Variants in COL4A6 observed in about 807,000 individuals in gnomAD.
The protein encoded by COL4A6 is collagen alpha-6(IV) chain.
Under a neutral mutation model 126.7 loss-of-function variants are expected in COL4A6, and 59 were observed. The ratio of observed to expected loss-of-function variants is 0.47; its 90% CI spans 0.38 to 0.58. The LOEUF (loss-of-function observed/expected upper bound fraction) is 0.58, where lower values mean the gene tolerates loss of function less well. Among genes scored for constraint, COL4A6 ranks in the 20% least tolerant of loss-of-function variants. The pLI, the probability that COL4A6 is intolerant of heterozygous loss-of-function variation, is 0.00. For synonymous variants in COL4A6, 547 were observed against 496.6 expected, an observed-to-expected ratio of 1.10 and a Z score of -1.35; for missense variants, 1,285 against 1,337.3, an observed-to-expected ratio of 0.96 and a Z score of 0.61.
At chrX:108,322,160 TACAC>T (rs2039046514) in intron 2 of COL4A6, among the ~76,000 whole-genome samples, 1 of 110,965 alleles carries the variant, frequency 9.0e-6, no homozygotes, top group Admixed American at 9.6e-5. Context: ...AATGTGAACA[TACAC>T]ACACACGGGC....
intron 30 of COL4A6, 49 bp downstream of exon 30, chrX:108,175,041 T>C (rs1251520567): frequency 8.9e-7 from 1 of 1,127,504 alleles, no homozygotes. Context: ...CAAGTTTGGT[T>C]ATGAAGCCTC....
intron 2 of COL4A6, among the ~76,000 whole-genome samples, chrX:108,408,944 A>G (rs1259815229): frequency 3.6e-5 from 4 of 112,333 alleles, no homozygotes; most frequent in Non-Finnish European, 7.5e-5. Context: ...CTGGACAACA[A>G]GAGCGACACT....
intron 3 of COL4A6, among the ~76,000 whole-genome samples, chrX:108,298,046 C>A (rs183318838): frequency 8.9e-6 from 1 of 112,085 alleles, no homozygotes; most frequent in African/African-American, 3.2e-5. Flanking sequence ...GAGTTTAAGT[C>A]TCTTCTTTAC....
At chrX:108,434,079 T>C (rs1175126223) in intron 2 of COL4A6, among the ~76,000 whole-genome samples, 1 of 112,028 alleles carries the variant, frequency 8.9e-6, no homozygotes, top group Non-Finnish European at 1.9e-5. Flanking sequence ...ATTATGAGCT[T>C]ACAGAATATA....
chrX:108,187,387 G>T, intron 22 of COL4A6, 108 bp from the exon 23 acceptor site: 1 of 647,624 alleles, frequency 1.5e-6, no homozygotes, highest in Non-Finnish European at 2.2e-6. Flanking sequence ...TTTGTGTTTT[G>T]TTAAAATTAT....
At chrX:108,202,235 T>C (rs773240049) in intron 13 of COL4A6, among the ~76,000 whole-genome samples, 1 of 111,950 alleles carries the variant, frequency 8.9e-6, no homozygotes, top group African/African-American at 3.2e-5. Context: ...CCTTCTTTCA[T>C]CTTTTATATA....
intron 5 of COL4A6, among the ~76,000 whole-genome samples, chrX:108,214,852 C>T (rs139215554): frequency 0.024 from 2,759 of 112,655 alleles, 87 homozygotes; most frequent in African/African-American, 0.083. Flanking sequence ...TCCGTACTAA[C>T]GACTGAGGCA....
intron 2 of COL4A6, among the ~76,000 whole-genome samples, chrX:108,380,842 C>T: frequency 9.0e-6 from 1 of 111,720 alleles, no homozygotes; most frequent in Non-Finnish European, 1.9e-5. Flanking sequence ...TGATATGGGC[C>T]TCATTTTCCT....
At chrX:108,430,453 T>C (rs183366427) in intron 2 of COL4A6, among the ~76,000 whole-genome samples, 1 of 111,754 alleles carries the variant, frequency 8.9e-6, no homozygotes, top group African/African-American at 3.3e-5. Flanking sequence ...CATTTTATCC[T>C]GGAAGAAAGA....
intron 28 of COL4A6, among the ~76,000 whole-genome samples, chrX:108,176,048 G>A (rs1470512333): frequency 9.0e-6 from 1 of 110,872 alleles, no homozygotes; most frequent in African/African-American, 3.3e-5. Context: ...CCTCTCGGCC[G>A]GGCACAGTGG....
At chrX:108,247,298 G>A (rs1299444603) in intron 3 of COL4A6, among the ~76,000 whole-genome samples, 3 of 111,981 alleles carry the variant, frequency 2.7e-5, no homozygotes, top group African/African-American at 9.8e-5. Context: ...TGTTTCCAGA[G>A]ATGATAATGA....
At chrX:108,235,936 C>T (rs1320566949) in intron 3 of COL4A6, among the ~76,000 whole-genome samples, 1 of 110,482 alleles carries the variant, frequency 9.1e-6, no homozygotes, top group Non-Finnish European at 1.9e-5. Flanking sequence ...GTTGGCCAGA[C>T]CAGGGGCCTG....
intron 3 of COL4A6, among the ~76,000 whole-genome samples, chrX:108,305,011 C>T (rs1374852341): frequency 8.9e-6 from 1 of 111,926 alleles, no homozygotes; most frequent in Non-Finnish European, 1.9e-5. Flanking sequence ...GTAGTGCCTA[C>T]GGACTCTGCA....
At chrX:108,224,787 C>G (rs1315886480) in intron 3 of COL4A6, among the ~76,000 whole-genome samples, 1 of 111,824 alleles carries the variant, frequency 8.9e-6, no homozygotes, top group African/African-American at 3.3e-5. Context: ...ATTACCCATA[C>G]AGCTAAAGCT....
At chrX:108,342,228 A>G (rs1296333362) in intron 2 of COL4A6, among the ~76,000 whole-genome samples, 1 of 112,364 alleles carries the variant, frequency 8.9e-6, no homozygotes, top group Non-Finnish European at 1.9e-5. Context: ...CTACACACAT[A>G]AAGCAACCTT....
intron 3 of COL4A6, among the ~76,000 whole-genome samples, chrX:108,267,314 T>C (rs773982017): frequency 3.4e-4 from 38 of 112,411 alleles, no homozygotes; most frequent in African/African-American, 1.2e-3. Flanking sequence ...TTTATCTGAT[T>C]AGCAACCTTA....
At position 108,269,982 on chromosome X, in the gene COL4A6, T is replaced by C. The variant is rs188608141; in HGVS notation, c.144+40766A>G. ...CCACAAGGAGTCATCCTTGGAGTTG[T>C]CCTTTGGAGCCATGGGCCTTTAACT... On this transcript the variant is annotated intron_variant, in intron 3 of 44. Transcript: ENST00000334504. 1.8e-3 allele frequency among the ~76,000 whole-genome samples: 198 copies of C among 111,745 alleles called. 1 individual carries two copies. Among genetic ancestry groups the C allele is most frequent in the Non-Finnish European group, 2.2e-3 (119 of 53,111 alleles).
intron 2 of COL4A6, among the ~76,000 whole-genome samples, chrX:108,411,666 T>C (rs1014874726): frequency 3.6e-5 from 4 of 111,932 alleles, no homozygotes; most frequent in East Asian, 2.8e-4. Context: ...CATTTATTAA[T>C]TTAATGTATT....
intron 3 of COL4A6, among the ~76,000 whole-genome samples, chrX:108,236,785 C>T (rs1023576042): frequency 8.9e-6 from 1 of 111,740 alleles, no homozygotes; most frequent in African/African-American, 3.3e-5. Flanking sequence ...AGAGTACTCT[C>T]TGGAAAGTAA....
Sources: gnomAD v4.1 joint callset for allele counts (sites outside exome capture counted in the v4.1 genomes callset) on GRCh38, gnomAD v4.1.1 for gene constraint, MANE v1.5 for transcripts, NCBI Gene and HGNC (gene_info 2026-07-23, HGNC 2026-07-21) for gene names.